P2RY12: variants seen among roughly 807,000 people sequenced by gnomAD.
P2RY12 encodes purinergic receptor P2Y12.
In P2RY12, 3 loss-of-function variants were observed where a neutral mutation model predicts 4.5. The observed-to-expected ratio is 0.67, with a 90% CI of 0.31 to 1.74. P2RY12 has a LOEUF of 1.74. Ranked by LOEUF, P2RY12 falls within the 40% of genes most tolerant of loss-of-function variation. The pLI is 0.09. For missense variants in P2RY12, 356 were observed against 407.8 expected (o/e 0.87, Z 1.09); for synonymous variants, 148 against 154.1 (o/e 0.96, Z 0.29).
intron 1 of P2RY12, among the ~76,000 whole-genome samples, chr3:151,365,534 A>G (rs925980789): frequency 1.3e-5 from 2 of 152,236 alleles, no homozygotes; most frequent in East Asian, 3.8e-4. Flanking sequence ...CCTAAATTAC[A>G]TGATGTCTAT....
chr3:151,343,946 A>G (rs1752220551), intron 1 of P2RY12, among the ~76,000 whole-genome samples: 1 of 152,112 alleles, frequency 6.6e-6, no homozygotes, highest in Non-Finnish European at 1.5e-5. Context: ...GGTCATTTTG[A>G]CATTAATATT....
intron 1 of P2RY12, among the ~76,000 whole-genome samples, chr3:151,355,723 A>G (rs1400838916): frequency 6.6e-6 from 1 of 152,252 alleles, no homozygotes; most frequent in Non-Finnish European, 1.5e-5. Flanking sequence ...GTAGTTATGA[A>G]GAAATCATTT....
Position 151,368,586 on chromosome 3 carries a change from A to ATTTATTTTAT in P2RY12, c.-180+16096_-180+16105dup, listed in dbSNP as rs71637017. ...ATCACAGCAGCTTAGGGCAATGGTG[A>ATTTATTTTAT]TTTATTTTATTTTATTTTATTTTAT... On this transcript the variant is annotated intron_variant, in intron 1 of 2. Coordinates refer to ENST00000302632, the MANE Select transcript of P2RY12 (RefSeq NM_022788.5). Among the ~76,000 whole-genome samples, 74 of 120,770 alleles carry ATTTATTTTAT rather than the reference A, an allele frequency of 6.1e-4. 3 individuals are homozygous for ATTTATTTTAT. The highest frequency in any genetic ancestry group is 1.2e-3 in the East Asian group (5 of 4,034). 79.2% of individuals were successfully genotyped at this position (120,770 alleles called of 152,430 possible).
At chr3:151,356,283 T>C (rs1753911958) in intron 1 of P2RY12, among the ~76,000 whole-genome samples, 2 of 152,010 alleles carry the variant, frequency 1.3e-5, no homozygotes, top group Non-Finnish European at 2.9e-5. Flanking sequence ...TCCCAGCTAC[T>C]TGGGAGGCTG....
chr3:151,380,117 T>C, intron 1 of P2RY12: 2 of 1,580,890 alleles, frequency 1.3e-6, no homozygotes, highest in Admixed American at 1.9e-5. Context: ...TTGTAGTATG[T>C]CTCTTTTGAG....
intron 1 of P2RY12, among the ~76,000 whole-genome samples, chr3:151,378,630 G>A (rs751804342): frequency 7.3e-5 from 11 of 151,564 alleles, no homozygotes; most frequent in South Asian, 2.1e-4. Context: ...AAGACTCCTC[G>A]GCCACCACAA....
chr3:151,347,281 A>AT (rs1397408713), intron 1 of P2RY12, among the ~76,000 whole-genome samples: 1 of 152,136 alleles, frequency 6.6e-6, no homozygotes, highest in African/African-American at 2.4e-5. Context: ...TTAGCTATAT[A>AT]TTTGTTCATT....
At chr3:151,371,379 G>A (rs1756165183) in intron 1 of P2RY12, among the ~76,000 whole-genome samples, 1 of 152,170 alleles carries the variant, frequency 6.6e-6, no homozygotes, top group Non-Finnish European at 1.5e-5. Flanking sequence ...GCAGAATTTA[G>A]TCTTTTCTTT....
At chr3:151,366,624 T>C (rs1388622) in intron 1 of P2RY12, among the ~76,000 whole-genome samples, 116,130 of 152,070 alleles carry the variant, frequency 0.76, 45,013 homozygotes, top group African/African-American at 0.89. Flanking sequence ...ATTGGAGTAG[T>C]CTTTGTCGTA....
intron 1 of P2RY12, chr3:151,378,245 T>C: frequency 7.0e-7 from 1 of 1,421,980 alleles, no homozygotes; most frequent in Non-Finnish European, 9.4e-7. Context: ...CCTGTAAACC[T>C]GTGTGGTCAC....
intron 1 of P2RY12, among the ~76,000 whole-genome samples, chr3:151,358,533 A>G (rs191280888): frequency 1.8e-4 from 27 of 152,266 alleles, no homozygotes; most frequent in Admixed American, 1.8e-3. Context: ...TTAGTTGGTC[A>G]TGAAATGAAT....
chr3:151,366,465 C>A (rs1372355737), intron 1 of P2RY12, among the ~76,000 whole-genome samples: 1 of 152,154 alleles, frequency 6.6e-6, no homozygotes, highest in Non-Finnish European at 1.5e-5. Flanking sequence ...CCGAGGATGT[C>A]CGGTGTTTTT....
intron 1 of P2RY12, among the ~76,000 whole-genome samples, chr3:151,383,191 G>A (rs926198103): frequency 3.3e-5 from 5 of 152,182 alleles, no homozygotes; most frequent in Non-Finnish European, 5.9e-5. Context: ...CTCACATATT[G>A]TGCATTCCTT....
At chr3:151,352,889 A>G (rs1287517389) in intron 1 of P2RY12, among the ~76,000 whole-genome samples, 4 of 152,226 alleles carry the variant, frequency 2.6e-5, no homozygotes, top group Non-Finnish European at 1.5e-5. Context: ...AAGCAACAAA[A>G]GAGCAATAAT....
intron 1 of P2RY12, among the ~76,000 whole-genome samples, chr3:151,346,957 T>C (rs1752624262): frequency 6.6e-6 from 1 of 152,176 alleles, no homozygotes; most frequent in Non-Finnish European, 1.5e-5. Context: ...TAATAATTAC[T>C]TGGTAATATA....
intron 1 of P2RY12, chr3:151,382,584 G>T (rs904224181): frequency 9.3e-7 from 1 of 1,075,268 alleles, no homozygotes; most frequent in Admixed American, 2.3e-5. Context: ...TTTGCTATCA[G>T]TATAAAGCTC....
At chr3:151,365,263 T>G (rs1755139806) in intron 1 of P2RY12, 2 of 1,420,138 alleles carry the variant, frequency 1.4e-6, no homozygotes, top group Middle Eastern at 1.8e-4. Flanking sequence ...CCTTGGTGCT[T>G]CTTTGAAATT....
chr3:151,366,209 G>A (rs890509074), intron 1 of P2RY12, among the ~76,000 whole-genome samples: 1 of 152,154 alleles, frequency 6.6e-6, no homozygotes, highest in African/African-American at 2.4e-5. Context: ...TTAATCTGTA[G>A]CAGAGGGGCC....
chr3:151,354,588 A>T (rs919659580), intron 1 of P2RY12, among the ~76,000 whole-genome samples: 2 of 152,206 alleles, frequency 1.3e-5, no homozygotes, highest in African/African-American at 4.8e-5. Context: ...TGTGGATATC[A>T]TTGTAATTTA....
Sources: allele counts gnomAD v4.1 joint callset (sites outside exome capture counted in the v4.1 genomes callset), GRCh38; gene constraint gnomAD v4.1.1; transcripts MANE v1.5; gene names NCBI Gene and HGNC (gene_info 2026-07-23, HGNC 2026-07-21).